GALNT13: variants seen among roughly 807,000 people sequenced by gnomAD.
GALNT13 encodes the protein polypeptide N-acetylgalactosaminyltransferase 13.
In GALNT13, 28 loss-of-function variants were observed where a neutral mutation model predicts 64.2. That is an observed-to-expected ratio of 0.44 (90% CI 0.32 to 0.60). The LOEUF is 0.60. Among genes scored for constraint, GALNT13 ranks in the 20% least tolerant of loss-of-function variants. GALNT13 has a pLI of 0.05. For missense variants in GALNT13, 577 were observed against 669.8 expected, an observed-to-expected ratio of 0.86 and a Z score of 1.53; for synonymous variants, 214 against 224.6, an observed-to-expected ratio of 0.95 and a Z score of 0.42.
At chr2:153,866,607 C>G in the GALNT13 span, among the ~76,000 whole-genome samples, 2 of 152,100 alleles carry the variant, frequency 1.3e-5, no homozygotes, top group Non-Finnish European at 2.9e-5. Flanking sequence ...TAGTTTAAAA[C>G]TAATTATACT....
At chr2:153,834,965 C>T in the GALNT13 span, among the ~76,000 whole-genome samples, 1 of 151,910 alleles carries the variant, frequency 6.6e-6, no homozygotes, top group Non-Finnish European at 1.5e-5. Context: ...AGAGTTAAGT[C>T]AATTGGTAGA....
At chr2:153,154,062 C>T in the GALNT13 span, among the ~76,000 whole-genome samples, 1 of 152,044 alleles carries the variant, frequency 6.6e-6, no homozygotes, top group Non-Finnish European at 1.5e-5. Flanking sequence ...TCTGTTCCCT[C>T]TGATTTCTTT....
chr2:153,146,096 A>T, the GALNT13 span, among the ~76,000 whole-genome samples: 1 of 151,602 alleles, frequency 6.6e-6, no homozygotes, highest in South Asian at 2.1e-4. Context: ...CTCCATCAGG[A>T]CCTATGTCCA....
chr2:153,550,057 G>T, the GALNT13 span, among the ~76,000 whole-genome samples: 4 of 152,144 alleles, frequency 2.6e-5, no homozygotes, highest in African/African-American at 9.7e-5. Context: ...GGAAGATATT[G>T]ACTGAAAGAC....
the GALNT13 span, among the ~76,000 whole-genome samples, chr2:153,176,986 A>G: frequency 6.6e-6 from 1 of 152,174 alleles, no homozygotes; most frequent in Non-Finnish European, 1.5e-5. Context: ...GAAAGAATTT[A>G]TAAGAATTGC....
chr2:154,243,446 CAT>C (rs1324900978), intron 6 of GALNT13, among the ~76,000 whole-genome samples: 2 of 152,046 alleles, frequency 1.3e-5, no homozygotes, highest in African/African-American at 2.4e-5. Context: ...CACACACACA[CAT>C]GCACACACAC....
chr2:154,126,479 C>CA (rs1479095664), intron 3 of GALNT13, among the ~76,000 whole-genome samples: 2 of 151,600 alleles, frequency 1.3e-5, no homozygotes, highest in Admixed American at 6.6e-5. Context: ...ACTAAAAATA[C>CA]AAAAAATCAG....
chr2:154,152,197 T>A (rs570744391), intron 4 of GALNT13, among the ~76,000 whole-genome samples: 1 of 152,310 alleles, frequency 6.6e-6, no homozygotes, highest in East Asian at 1.9e-4. Context: ...TGAAGCTTAG[T>A]TTGGCTGGAT....
chr2:153,593,847 A>T, the GALNT13 span, among the ~76,000 whole-genome samples: 1 of 152,196 alleles, frequency 6.6e-6, no homozygotes, highest in East Asian at 1.9e-4. Context: ...GAACTCTCTT[A>T]GGAGCTAGTG....
chr2:154,217,794 G>GA (rs1015413271), intron 4 of GALNT13, among the ~76,000 whole-genome samples: 2 of 152,108 alleles, frequency 1.3e-5, no homozygotes, highest in Non-Finnish European at 2.9e-5. Context: ...GAAGTAAAAT[G>GA]AAAAATATGC....
At chr2:154,223,596 T>C (rs1330893718) in intron 4 of GALNT13, among the ~76,000 whole-genome samples, 1 of 151,742 alleles carries the variant, frequency 6.6e-6, no homozygotes, top group East Asian at 1.9e-4. Flanking sequence ...GGATTACAGA[T>C]ATGTGCCACC....
chr2:153,999,229 C>T (rs2105214900), intron 3 of GALNT13, among the ~76,000 whole-genome samples: 1 of 151,340 alleles, frequency 6.6e-6, no homozygotes, highest in African/African-American at 2.4e-5. Context: ...AGAACAGAGG[C>T]CTCAGAAATA....
intron 8 of GALNT13, among the ~76,000 whole-genome samples, chr2:154,265,444 A>G (rs1308845072): frequency 2.0e-5 from 3 of 152,192 alleles, no homozygotes; most frequent in Non-Finnish European, 4.4e-5. Context: ...CATGCCTGTA[A>G]TCCCAACACT....
chr2:153,651,406 T>C, the GALNT13 span, among the ~76,000 whole-genome samples: 1 of 152,174 alleles, frequency 6.6e-6, no homozygotes, highest in Non-Finnish European at 1.5e-5. Context: ...TGTAACATTG[T>C]GATTGAATGA....
chr2:154,159,031 TC>T (rs2105657401), intron 4 of GALNT13, among the ~76,000 whole-genome samples: 1 of 152,244 alleles, frequency 6.6e-6, no homozygotes, highest in Non-Finnish European at 1.5e-5. Context: ...TTACTTCTTT[TC>T]TTTATTATGA....
At chr2:153,685,435 A>G in the GALNT13 span, among the ~76,000 whole-genome samples, 5 of 151,994 alleles carry the variant, frequency 3.3e-5, no homozygotes, top group African/African-American at 7.2e-5. Context: ...AGGTTTTTCC[A>G]TATGATTGTT....
chr2:154,074,171 A>G (rs1700875528), intron 3 of GALNT13, among the ~76,000 whole-genome samples: 1 of 152,014 alleles, frequency 6.6e-6, no homozygotes, highest in East Asian at 1.9e-4. Context: ...AGAGGGTAAA[A>G]GTGTCCTAAG....
chr2:153,422,799 GAAATT>G, the GALNT13 span, among the ~76,000 whole-genome samples: 7 of 151,598 alleles, frequency 4.6e-5, no homozygotes, highest in Non-Finnish European at 7.4e-5. Flanking sequence ...TAAAATAAAT[GAAATT>G]AAATCAGTAG....
chr2:153,308,139 C>T, the GALNT13 span, among the ~76,000 whole-genome samples: 1 of 152,110 alleles, frequency 6.6e-6, no homozygotes, highest in Non-Finnish European at 1.5e-5. Flanking sequence ...ACAGTAATAC[C>T]TCTTTATAAC....
Sources: allele counts gnomAD v4.1 joint callset (sites outside exome capture counted in the v4.1 genomes callset), GRCh38; gene constraint gnomAD v4.1.1; transcripts MANE v1.5; gene names NCBI Gene and HGNC (gene_info 2026-07-23, HGNC 2026-07-21).